TMC2: variants seen among roughly 807,000 people sequenced by gnomAD.
TMC2 encodes transmembrane channel-like protein 2.
In TMC2, 102 loss-of-function variants were observed where a neutral mutation model predicts 105.9. The observed-to-expected ratio is 0.96, with a 90% CI of 0.82 to 1.14. TMC2 has a LOEUF of 1.14. Ranked by LOEUF, TMC2 falls within the 50% of genes most tolerant of loss-of-function variation. The pLI is 0.00. For synonymous variants in TMC2, 402 were observed against 422.8 expected (o/e 0.95, Z 0.60); for missense variants, 1,093 against 1,134.3 (o/e 0.96, Z 0.52).
At chr20:2,566,811 G>A (rs568049130) in intron 4 of TMC2, among the ~76,000 whole-genome samples, 37 of 152,304 alleles carry the variant, frequency 2.4e-4, no homozygotes, top group African/African-American at 7.9e-4. Context: ...CTGGCTATTG[G>A]AAAAGCTGGC....
At chr20:2,537,503 G>T (rs1241409161) in intron 2 of TMC2, among the ~76,000 whole-genome samples, 187 bp downstream of exon 2, 1 of 152,158 alleles carries the variant, frequency 6.6e-6, no homozygotes, top group African/African-American at 2.4e-5. Flanking sequence ...ACTCAGAGAA[G>T]GTGCTGCTCA....
chr20:2,607,845 C>T (rs1568522523), intron 11 of TMC2, among the ~76,000 whole-genome samples: 1 of 152,138 alleles, frequency 6.6e-6, no homozygotes, highest in Non-Finnish European at 1.5e-5. Flanking sequence ...GCTGTGATGG[C>T]CAGGTGCAGT....
chr20:2,638,464 ATTATT>A, intron 19 of TMC2, among the ~76,000 whole-genome samples: 1 of 152,270 alleles, frequency 6.6e-6, no homozygotes, highest in East Asian at 1.9e-4. Flanking sequence ...ACTTTTTACT[ATTATT>A]TTAGAGTAGA....
chr20:2,578,461 C>T (rs1322746989), intron 5 of TMC2, among the ~76,000 whole-genome samples: 1 of 152,132 alleles, frequency 6.6e-6, no homozygotes, highest in Non-Finnish European at 1.5e-5. Flanking sequence ...CAATGTGGGG[C>T]TGGTGGAGAG....
chr20:2,608,300 T>TTTATTTTTTATTA (rs369930519), intron 11 of TMC2, among the ~76,000 whole-genome samples: 7 of 134,602 alleles, frequency 5.2e-5, no homozygotes, highest in African/African-American at 1.9e-4. Context: ...CTTATTTTTA[T>TTTATTTTTTATTA]TTATTATTAT....
chr20:2,602,030 A>G (rs1236686002), intron 10 of TMC2, 83 bp from the exon 11 acceptor site: 1 of 871,574 alleles, frequency 1.1e-6, no homozygotes, highest in East Asian at 2.6e-5. Context: ...AAATATAGAA[A>G]GTACTATTTT....
intron 2 of TMC2, among the ~76,000 whole-genome samples, chr20:2,546,028 A>G (rs2085924367): frequency 1.3e-5 from 2 of 152,366 alleles, no homozygotes; most frequent in East Asian, 3.9e-4. Context: ...TTGTTCCCCA[A>G]TCCGCTTATA....
chr20:2,546,031 C>T (rs148109701), intron 2 of TMC2, among the ~76,000 whole-genome samples: 4 of 152,250 alleles, frequency 2.6e-5, no homozygotes, highest in Non-Finnish European at 4.4e-5. Flanking sequence ...TTCCCCAATC[C>T]GCTTATAATT....
intron 5 of TMC2, among the ~76,000 whole-genome samples, chr20:2,578,150 T>C (rs1352375646): frequency 6.6e-6 from 1 of 151,900 alleles, no homozygotes; most frequent in Non-Finnish European, 1.5e-5. Context: ...GTGAAACCCA[T>C]CTCTACTAAA....
chr20:2,585,316 G>A (rs1280752536), intron 7 of TMC2, among the ~76,000 whole-genome samples: 2 of 151,856 alleles, frequency 1.3e-5, no homozygotes, highest in African/African-American at 4.8e-5. Context: ...TCACTTTCAG[G>A]TCTTTTTCTT....
At chr20:2,575,224 T>C (rs1340701170) in intron 5 of TMC2, among the ~76,000 whole-genome samples, 1 of 152,248 alleles carries the variant, frequency 6.6e-6, no homozygotes, top group Non-Finnish European at 1.5e-5. Flanking sequence ...TGACAAACAA[T>C]GCTTCAACAA....
At chr20:2,602,346 T>G (rs2086358420) in intron 11 of TMC2, 45 bp downstream of exon 11, 2 of 1,405,726 alleles carry the variant, frequency 1.4e-6, no homozygotes, top group Non-Finnish European at 1.9e-6. Context: ...TGGCAAATAC[T>G]GAAATCACTG....
chr20:2,598,981 T>A (rs1436545769), intron 10 of TMC2, among the ~76,000 whole-genome samples: 5 of 152,278 alleles, frequency 3.3e-5, no homozygotes, highest in Middle Eastern at 3.4e-3. Flanking sequence ...GGGTGCATAA[T>A]AAACAAAGGA....
chr20:2,598,766 G>C (rs2146217788), intron 10 of TMC2, among the ~76,000 whole-genome samples: 1 of 152,104 alleles, frequency 6.6e-6, no homozygotes, highest in Non-Finnish European at 1.5e-5. Context: ...TTCATGTGAA[G>C]TGCTGCTGAC....
chr20:2,561,962 C>G lies in TMC2; in HGVS notation c.506C>G (p.Thr169Ser). Reference protein sequence around the residue: ...QVEEKKKLIATMRSKPWPMAK... With the variant: ...QVEEKKKLIASMRSKPWPMAK... ...GAAGAAAAAAAGAAGCTCATTGCCA[C>G]CATGCGGAGCAAGCCCTGGCCCATG... The change falls in exon 4 of 20, where the codon ACC (threonine) becomes AGC (serine). Residue 169 changes from threonine to serine, a missense_variant. Physicochemically the swap from Thr to Ser is moderately conservative, Grantham distance 58. Coordinates refer to ENST00000358864, the MANE Select transcript of TMC2 (RefSeq NM_080751.3). The G allele has an allele frequency of 6.2e-7, 1 of 1,614,248 alleles. No homozygotes were observed. The highest frequency in any genetic ancestry group is 8.5e-7 in the Non-Finnish European group (1 of 1,180,040).
At chr20:2,605,124 A>G (rs6083806) in intron 11 of TMC2, among the ~76,000 whole-genome samples, 79,794 of 151,890 alleles carry the variant, frequency 0.53, 21,179 homozygotes, top group East Asian at 0.65. Context: ...GCTCACTCTG[A>G]TTAGTGTCTT....
chr20:2,616,943 A>C lies in TMC2; in HGVS notation c.1941-129A>C. On this transcript the variant is annotated intron_variant, in intron 15 of 19. Transcript: ENST00000358864. This position sits in a 1 kb window ranked among gnomAD's most constrained non-coding sequence, Gnocchi z 4.8. The stretch of plus-strand genomic sequence containing the variant: ...ATTCTGGTTAAATGGGAGGCCCCTT[A>C]CCTGGGGACTTGCCAGGAAAGCAGC... 9.7e-7 allele frequency: 1 copy of C among 1,032,558 alleles called. No individual in the cohort carries two copies. Among genetic ancestry groups the C allele is most frequent in the South Asian group, 1.5e-5 (1 of 64,604 alleles). 64.0% of individuals were successfully genotyped at this position (1,032,558 alleles called of 1,614,324 possible). A position where few individuals can be genotyped will look rare whatever the true frequency, so the allele number is the denominator to read the frequency against.
At chr20:2,629,578 G>A (rs924131355) in intron 17 of TMC2, among the ~76,000 whole-genome samples, 12 of 147,458 alleles carry the variant, frequency 8.1e-5, no homozygotes, top group Non-Finnish European at 1.3e-4. Flanking sequence ...TGAATTTAGG[G>A]CCATTACTAG....
At chr20:2,576,135 G>A (rs2086142588) in intron 5 of TMC2, among the ~76,000 whole-genome samples, 1 of 152,072 alleles carries the variant, frequency 6.6e-6, no homozygotes, top group Non-Finnish European at 1.5e-5. Flanking sequence ...TGATTTTATT[G>A]ACAGGACATG....
Sources: gnomAD v4.1 joint callset for allele counts (sites outside exome capture counted in the v4.1 genomes callset) on GRCh38, gnomAD v4.1.1 for gene constraint, Gnocchi (gnomAD v3.1) non-coding constraint, MANE v1.5 for transcripts, NCBI Gene and HGNC (gene_info 2026-07-23, HGNC 2026-07-21) for gene names.